The following TGFB1 variants were observed in gnomAD, a reference collection of about 807,000 sequenced individuals.
The protein encoded by TGFB1 is transforming growth factor beta 1, also known as transforming growth factor beta-1 proprotein.
In TGFB1, 19 loss-of-function variants were observed where a neutral mutation model predicts 43.8. That is an observed-to-expected ratio of 0.43 (90% confidence interval 0.30 to 0.64). TGFB1 has a LOEUF of 0.64. Among genes scored for constraint, TGFB1 ranks in the 30% least tolerant of loss-of-function variants. The pLI is 0.11. For missense variants in TGFB1, 445 were observed against 529.8 expected (o/e 0.84, Z 1.57); for synonymous variants, 221 against 236.3 (o/e 0.94, Z 0.60).
chr19:41,352,639 C>T (rs769995453), intron 1 of TGFB1, 51 bp downstream of exon 1: 4 of 1,600,038 alleles, frequency 2.5e-6, no homozygotes, highest in Admixed American at 1.7e-5. Flanking sequence ...CCCGGCACTC[C>T]GGCGCCCCCT....
Position 41,331,566 on chromosome 19 carries a change from CTTTT to C in TGFB1, c.1015-360_1015-357del, listed in dbSNP as rs3061187. On this transcript the variant is annotated intron_variant, in intron 6 of 6. Coordinates refer to ENST00000221930, the MANE Select transcript of TGFB1 (RefSeq NM_000660.7). ...CACAGGCAAGCGCCACCACTCCTAG[CTTTT>C]TTTTTTTTTTTTTTTTTTTTTTTGG... Among the ~76,000 whole-genome samples the C allele has an allele frequency of 4.6e-4, 36 of 77,506 alleles. No homozygotes were observed. In the South Asian group the frequency reaches 6.5e-3, roughly 14 times the overall value. 50.8% of individuals were successfully genotyped at this position (77,506 alleles called of 152,430 possible). A position where few individuals can be genotyped will look rare whatever the true frequency, so the allele number is the denominator to read the frequency against.
Position 41,352,895 on chromosome 19 carries a change from G to A in TGFB1, c.150C>T (p.Arg50=), listed in dbSNP as rs1250970713. Residue 50 remains arginine (R), a synonymous_variant, in exon 1 of 7, where the codon CGC becomes CGT. Transcript: ENST00000221930. ...GCCGCAGCTTGGACAGGATCTGGCC[G>A]CGGATGGCCTCGATGCGCTTCCGCT... is the stretch of plus-strand genomic sequence containing the variant. ...LVKRKRIEAI[R]GQILSKLRLA... The A allele has an allele frequency of 1.9e-6, 3 of 1,561,678 alleles. No homozygotes were observed. Among genetic ancestry groups the A allele is most frequent in the African/African-American group, 1.4e-5 (1 of 73,744 alleles).
At position 41,336,984 on chromosome 19, in the gene TGFB1, G is replaced by A. The variant is rs569334025; in HGVS notation, c.861-4703C>T. On this transcript the variant is annotated intron_variant, in intron 5 of 6. Coordinates refer to ENST00000221930, the MANE Select transcript of TGFB1 (RefSeq NM_000660.7). ...TTTTTTTTTTAATTTTTGAGATGGA[G>A]TCTCACTCTGTCACCCAGGATGCAG... 4.0e-5 allele frequency among the ~76,000 whole-genome samples: 6 copies of A among 148,626 alleles called. No individual in the cohort carries two copies. In the South Asian group the frequency reaches 1.3e-3, roughly 32 times the overall value.
rs1051610847 is a variant in TGFB1, at chr19:41,353,672, G to C, written c.-628C>G. On this transcript the variant is annotated 5_prime_UTR_variant, in exon 1 of 7. Coordinates refer to ENST00000221930, the MANE Select transcript of TGFB1 (RefSeq NM_000660.7). The surrounding 1 kb of genome is among the most constrained non-coding windows in gnomAD (Gnocchi z 5.9). Reference sequence around the variant, plus strand: ...TCCCGACCAGCTCGTCCCTCCTCCCGCTCCTCCTCCCCCTCCTCCCCGCAG... The same window carrying C: ...TCCCGACCAGCTCGTCCCTCCTCCCCCTCCTCCTCCCCCTCCTCCCCGCAG... 6.5e-6 allele frequency: 1 copy of C among 153,346 alleles called. No homozygotes were observed. The highest frequency in any genetic ancestry group is 1.5e-5 in the Non-Finnish European group (1 of 68,918). 9.5% of individuals were successfully genotyped at this position (153,346 alleles called of 1,614,324 possible). A position where few individuals can be genotyped will look rare whatever the true frequency, so the allele number is the denominator to read the frequency against.
chr19:41,340,350 A>C (rs1456977087), intron 5 of TGFB1, among the ~76,000 whole-genome samples: 2 of 148,436 alleles, frequency 1.3e-5, no homozygotes, highest in African/African-American at 5.0e-5. Context: ...TCCACCCCCG[A>C]GGTTCCAGTG....
At chr19:41,346,089 G>T (rs147721101) in intron 2 of TGFB1, among the ~76,000 whole-genome samples, 8 of 151,956 alleles carry the variant, frequency 5.3e-5, no homozygotes, top group Admixed American at 2.6e-4. Flanking sequence ...AGTCGCTCAC[G>T]CTTGTAATCC....
At chr19:41,343,616 C>T (rs1046602580) in intron 3 of TGFB1, among the ~76,000 whole-genome samples, 7 of 152,130 alleles carry the variant, frequency 4.6e-5, no homozygotes, top group Admixed American at 3.9e-4. Context: ...CCTTGTCCTC[C>T]CTGCTGGTGC....
At position 41,330,326 on chromosome 19, in the gene TGFB1, CA is replaced by C. The variant is rs1555752248; in HGVS notation, c.*725del. On this transcript the variant is annotated 3_prime_UTR_variant, in exon 7 of 7. Transcript: ENST00000221930. ...ACAGTGGCACAGTCAGGGCTCACTG[CA>C]GCCTTGACCTCCCAGGATCAAGTGA... 6.6e-6 allele frequency: 1 copy of C among 152,134 alleles called. No homozygotes were observed. The highest frequency in any genetic ancestry group is 1.5e-5 in the Non-Finnish European group (1 of 68,026). 9.4% of individuals were successfully genotyped at this position (152,134 alleles called of 1,614,324 possible).
At position 41,343,005 on chromosome 19, in the gene TGFB1, G is replaced by A. The variant is rs770587573; in HGVS notation, c.635-758C>T. 4.6e-5 allele frequency among the ~76,000 whole-genome samples: 7 copies of A among 152,080 alleles called. No individual in the cohort carries two copies. The East Asian group carries it at 7.7e-4, about 17-fold the overall frequency. ...GTTTTCTAGGCTCCTACAATGTGCC[G>A]AAGCCTGTGCTGTGTGCTTGGGACT... On this transcript the variant is annotated intron_variant, in intron 3 of 6. Transcript: ENST00000221930.
chr19:41,331,392 C>T (rs1439117463), intron 6 of TGFB1, among the ~76,000 whole-genome samples, 182 bp from the exon 7 acceptor site: 1 of 151,920 alleles, frequency 6.6e-6, no homozygotes, highest in Non-Finnish European at 1.5e-5. Context: ...TTCTGTCTCT[C>T]CCCACCTGTC....
chr19:41,337,200 G>A (rs1347666452), intron 5 of TGFB1, among the ~76,000 whole-genome samples: 7 of 152,042 alleles, frequency 4.6e-5, no homozygotes, highest in Non-Finnish European at 8.8e-5. Flanking sequence ...GGAGTGCAAT[G>A]GCGCGACCTC....
intron 5 of TGFB1, among the ~76,000 whole-genome samples, chr19:41,338,574 C>A (rs1412871392): frequency 2.0e-5 from 3 of 151,680 alleles, no homozygotes; most frequent in African/African-American, 7.3e-5. Context: ...AGCAGTGGCT[C>A]ATGCCTGTAA....
chr19:41,338,793 C>T (rs1410043628), intron 5 of TGFB1, among the ~76,000 whole-genome samples: 3 of 150,502 alleles, frequency 2.0e-5, no homozygotes, highest in Non-Finnish European at 4.4e-5. Flanking sequence ...GAGCCGAGAC[C>T]GCACCACTGC....
chr19:41,331,138 G>T lies in TGFB1; in HGVS notation c.1087C>A (p.Pro363Thr). The change falls in exon 7 of 7, where the codon CCG (proline) becomes ACG (threonine). Residue 363 changes from proline to threonine, a missense_variant. This residue lies in a region of TGFB1 where 56 missense variants were observed against 46.9 expected (regional missense o/e 1.19). Transcript: ENST00000221930. ...CCCACGTAGTACACGATGGGCAGCGGCTCCAGCGCCTGCGGCACGCAGCAC... is the reference window on the plus strand; with the variant it reads ...CCCACGTAGTACACGATGGGCAGCGTCTCCAGCGCCTGCGGCACGCAGCAC... Reference protein sequence around the residue: ...APCCVPQALEPLPIVYYVGRK... With the variant: ...APCCVPQALETLPIVYYVGRK... 1 of 1,572,090 alleles carries T rather than the reference G, an allele frequency of 6.4e-7. No homozygotes were observed. The highest frequency in any genetic ancestry group is 8.6e-7 in the Non-Finnish European group (1 of 1,160,954).
At chr19:41,338,097 C>T (rs958296430) in intron 5 of TGFB1, among the ~76,000 whole-genome samples, 2 of 151,860 alleles carry the variant, frequency 1.3e-5, no homozygotes, top group Non-Finnish European at 2.9e-5. Flanking sequence ...GAGACTGAGG[C>T]AGGAGAATTG....
chr19:41,348,669 C>CTTGG (rs2038146930), intron 1 of TGFB1, among the ~76,000 whole-genome samples: 1 of 150,382 alleles, frequency 6.6e-6, no homozygotes, highest in Non-Finnish European at 1.5e-5. Flanking sequence ...GTCACCCAGG[C>CTTGG]TTGGAGTGCA....
chr19:41,347,404 A>G (rs2038127995), intron 2 of TGFB1, among the ~76,000 whole-genome samples: 1 of 152,192 alleles, frequency 6.6e-6, no homozygotes, highest in Admixed American at 6.6e-5. Flanking sequence ...GGACAGAATG[A>G]TTCTAGAGCC....
chr19:41,351,421 G>T (rs909751831), intron 1 of TGFB1, among the ~76,000 whole-genome samples: 17 of 152,182 alleles, frequency 1.1e-4, no homozygotes, highest in African/African-American at 4.1e-4. Flanking sequence ...GGGTGAGGAG[G>T]GCGGGAGGCG....
chr19:41,350,632 G>T (rs996435023), intron 1 of TGFB1, among the ~76,000 whole-genome samples: 1 of 152,202 alleles, frequency 6.6e-6, no homozygotes, highest in Non-Finnish European at 1.5e-5. Context: ...TTTAGGAAAA[G>T]TTTGGGGATG....
Sources: gnomAD v4.1 joint callset for allele counts (sites outside exome capture counted in the v4.1 genomes callset) on GRCh38, gnomAD v4.1.1 for gene constraint, gnomAD v4.1.1 regional missense constraint, Gnocchi (gnomAD v3.1) non-coding constraint, MANE v1.5 for transcripts, NCBI Gene and HGNC (gene_info 2026-07-23, HGNC 2026-07-21) for gene names.